Variants in GMDS observed in about 807,000 individuals in gnomAD.
GMDS encodes the protein GDP-mannose 4,6 dehydratase.
GMDS carries 20 observed loss-of-function variants against 49.9 expected under a neutral mutation model. That is an observed-to-expected ratio of 0.40 (90% CI 0.28 to 0.58). The LOEUF is 0.58. Among genes scored for constraint, GMDS ranks in the 20% least tolerant of loss-of-function variants. GMDS has a pLI of 0.42. For synonymous variants in GMDS, 177 were observed against 178.6 expected (o/e 0.99, Z 0.07); for missense variants, 362 against 481.4 (o/e 0.75, Z 2.32).
intron 9 of GMDS, among the ~76,000 whole-genome samples, chr6:1,692,399 G>T (rs1765205000): frequency 6.6e-6 from 1 of 152,204 alleles, no homozygotes; most frequent in Non-Finnish European, 1.5e-5. Flanking sequence ...AGAGAATGCT[G>T]ACTAATACAG....
At chr6:2,097,417 G>A (rs1421738438) in intron 4 of GMDS, among the ~76,000 whole-genome samples, 4 of 152,096 alleles carry the variant, frequency 2.6e-5, no homozygotes, top group African/African-American at 9.7e-5. Flanking sequence ...GAGAAAGAGG[G>A]TGCAGCTTAA....
chr6:1,767,201 AC>A (rs557762299), intron 7 of GMDS, among the ~76,000 whole-genome samples: 2 of 151,520 alleles, frequency 1.3e-5, no homozygotes, highest in Non-Finnish European at 2.9e-5. Flanking sequence ...TCCACCCACC[AC>A]CCCCCCAAAT....
intron 1 of GMDS, among the ~76,000 whole-genome samples, chr6:2,147,816 T>C (rs1009369722): frequency 2.0e-5 from 3 of 149,630 alleles, no homozygotes; most frequent in Non-Finnish European, 4.4e-5. Context: ...GCCTAGTACA[T>C]GCTTTAAATT....
At chr6:1,938,895 CAATCT>C (rs890496636) in intron 6 of GMDS, among the ~76,000 whole-genome samples, 4 of 151,900 alleles carry the variant, frequency 2.6e-5, no homozygotes, top group African/African-American at 9.7e-5. Flanking sequence ...TGTCCTTCAG[CAATCT>C]AATCTAAGTC....
At chr6:2,164,001 A>T (rs1581734725) in intron 1 of GMDS, among the ~76,000 whole-genome samples, 1 of 152,204 alleles carries the variant, frequency 6.6e-6, no homozygotes. Context: ...CTAACATTTC[A>T]TTCTTCCTAA....
chr6:1,726,612 G>T, intron 8 of GMDS, 100 bp from the exon 9 acceptor site: 1 of 820,780 alleles, frequency 1.2e-6, no homozygotes, highest in Non-Finnish European at 2.1e-6. Context: ...CCGCAGGAGC[G>T]CTTAAGCTCA....
At chr6:2,076,035 T>G (rs1346037158) in intron 4 of GMDS, among the ~76,000 whole-genome samples, 2 of 152,164 alleles carry the variant, frequency 1.3e-5, no homozygotes, top group African/African-American at 4.8e-5. Context: ...TCATGTGTCT[T>G]TTGGCTGCAT....
At chr6:1,688,809 A>G (rs1192621900) in intron 9 of GMDS, among the ~76,000 whole-genome samples, 1 of 152,226 alleles carries the variant, frequency 6.6e-6, no homozygotes, top group Non-Finnish European at 1.5e-5. Context: ...TTTCCAATTG[A>G]CAGCATCTGT....
intron 7 of GMDS, among the ~76,000 whole-genome samples, chr6:1,779,845 C>T (rs151067968): frequency 3.3e-5 from 5 of 152,334 alleles, no homozygotes; most frequent in Admixed American, 1.3e-4. Flanking sequence ...GAGTGGAAGT[C>T]GGCCCTGTGA....
At chr6:1,801,629 G>A (rs1424876299) in intron 7 of GMDS, among the ~76,000 whole-genome samples, 1 of 152,214 alleles carries the variant, frequency 6.6e-6, no homozygotes, top group South Asian at 2.1e-4. Context: ...ATTTTCCCAG[G>A]GCTTAATTCA....
intron 9 of GMDS, among the ~76,000 whole-genome samples, chr6:1,631,856 A>G (rs1243095706): frequency 2.0e-5 from 3 of 152,186 alleles, no homozygotes; most frequent in African/African-American, 7.2e-5. Flanking sequence ...GGACTTTTAT[A>G]TTGGAGAAAA....
At chr6:1,664,875 G>A (rs1261643283) in intron 9 of GMDS, among the ~76,000 whole-genome samples, 3 of 152,114 alleles carry the variant, frequency 2.0e-5, no homozygotes, top group Non-Finnish European at 4.4e-5. Context: ...AGTTAGAAGC[G>A]TCCTAACTGT....
At chr6:1,684,765 C>T (rs1008690598) in intron 9 of GMDS, among the ~76,000 whole-genome samples, 8 of 152,156 alleles carry the variant, frequency 5.3e-5, no homozygotes, top group Non-Finnish European at 8.8e-5. Context: ...ATGGCCAAAA[C>T]TCATCAAATG....
chr6:2,117,411 A>AT (rs1195694660), intron 3 of GMDS, 58 bp downstream of exon 3: 62 of 989,946 alleles, frequency 6.3e-5, no homozygotes, highest in Non-Finnish European at 9.9e-5. Flanking sequence ...TTATCTGAAC[A>AT]TAGGAACATC....
At chr6:1,868,787 C>T (rs1472507352) in intron 7 of GMDS, among the ~76,000 whole-genome samples, 1 of 152,100 alleles carries the variant, frequency 6.6e-6, no homozygotes, top group Admixed American at 6.5e-5. Flanking sequence ...AATTCAGAGG[C>T]TCAATATCCA....
intron 9 of GMDS, among the ~76,000 whole-genome samples, chr6:1,649,885 T>C (rs112035614): frequency 6.6e-6 from 1 of 152,220 alleles, no homozygotes; most frequent in East Asian, 1.9e-4. Context: ...GGGTGGCCAG[T>C]GCCTGGCTTC....
chr6:1,951,135 A>G (rs1179641325), intron 6 of GMDS, among the ~76,000 whole-genome samples: 1 of 152,186 alleles, frequency 6.6e-6, no homozygotes, highest in Non-Finnish European at 1.5e-5. Flanking sequence ...CAACAAATAA[A>G]GACAATCTTT....
intron 4 of GMDS, among the ~76,000 whole-genome samples, chr6:2,085,850 A>G (rs138594828): frequency 6.6e-6 from 1 of 152,162 alleles, no homozygotes; most frequent in African/African-American, 2.4e-5. Context: ...AGACATTACT[A>G]AAGTCAGGCA....
chr6:2,105,710 A>G (rs1774204630), intron 4 of GMDS, among the ~76,000 whole-genome samples: 1 of 152,230 alleles, frequency 6.6e-6, no homozygotes, highest in African/African-American at 2.4e-5. Context: ...AAAAAAATAA[A>G]AACCTGGCAC....
Sources: gnomAD v4.1 joint callset for allele counts (sites outside exome capture counted in the v4.1 genomes callset) on GRCh38, gnomAD v4.1.1 for gene constraint, MANE v1.5 for transcripts, NCBI Gene and HGNC (gene_info 2026-07-23, HGNC 2026-07-21) for gene names.